Variants in SCAF1 observed in about 807,000 individuals in gnomAD.
SCAF1 encodes the protein SR-related CTD associated factor 1, also known as splicing factor, arginine/serine-rich 19.
SCAF1 carries 28 observed loss-of-function variants against 91.2 expected under a neutral mutation model. The ratio of observed to expected loss-of-function variants is 0.31; its 90% CI spans 0.23 to 0.42. SCAF1 has a LOEUF of 0.42. Among genes scored for constraint, SCAF1 ranks in the 10% least tolerant of loss-of-function variants. The probability of loss-of-function intolerance (pLI) is 1.00; values close to 1 mark genes in which losing one functional copy is unlikely to be tolerated. For missense variants in SCAF1, 1,893 were observed against 1,872.1 expected, an observed-to-expected ratio of 1.01 and a Z score of -0.21; for synonymous variants, 1,036 against 833.7, an observed-to-expected ratio of 1.24 and a Z score of -4.18.
At chr19:49,649,121 A>C (rs1276954602) in intron 6 of SCAF1, among the ~76,000 whole-genome samples, 1 of 152,174 alleles carries the variant, frequency 6.6e-6, no homozygotes, top group Non-Finnish European at 1.5e-5. Context: ...CCGGAAGCTA[A>C]TAGTAGTTGT....
At position 49,653,043 on chromosome 19, in the gene SCAF1, C is replaced by T. The variant is rs1462382296; in HGVS notation, c.2654C>T (p.Thr885Ile). The change falls in exon 7 of 11, where the codon ACT (threonine) becomes ATT (isoleucine). Residue 885 changes from threonine to isoleucine, a missense_variant. Thr to Ile is a moderately conservative substitution (Grantham distance 89). Transcript: ENST00000360565. ...CTCAAACCTGACGAGCGGGCCCCCACTGAGATGGCCAAAGCAGCTCCGGGC... is the reference window on the plus strand; with the variant it reads ...CTCAAACCTGACGAGCGGGCCCCCATTGAGATGGCCAAAGCAGCTCCGGGC... ...PFLKPDERAP[T>I]EMAKAAPGST... 3.7e-6 allele frequency: 6 copies of T among 1,614,052 alleles called. No homozygotes were observed. In the South Asian group the frequency reaches 6.6e-5, roughly 18 times the overall value.
upstream of SCAF1, among the ~76,000 whole-genome samples, chr19:49,640,582 CAGCAGGTTTTGAG>C (rs1178309215): frequency 6.6e-6 from 1 of 152,160 alleles, no homozygotes; most frequent in African/African-American, 2.4e-5. Flanking sequence ...TCCGAGGAAG[CAGCAGGTTTTGAG>C]GAGTAGCTCC....
chr19:49,653,067 G>C lies in SCAF1; in HGVS notation c.2678G>C (p.Gly893Ala), dbSNP rs774339960. ...APTEMAKAAP[G>A]STKPKKTKVK... ...ACTGAGATGGCCAAAGCAGCTCCGG[G>C]CAGCACCAAGCCCAAAAAGACCAAG... The change falls in exon 7 of 11, where the codon GGC becomes GCC. Residue 893 changes from glycine to alanine, a missense_variant. This residue lies in a region of SCAF1 where 1,436 missense variants were observed against 1,306.8 expected (regional missense o/e 1.10). Transcript: ENST00000360565. 14 of 1,613,776 alleles carry C rather than the reference G, an allele frequency of 8.7e-6. 1 individual carries two copies. In the South Asian group the frequency reaches 1.3e-4, roughly 15 times the overall value.
rs933996491 is a variant in SCAF1, at chr19:49,651,904, C to G, written c.1515C>G (p.Pro505=). 8 of 1,154,702 alleles carry G rather than the reference C, an allele frequency of 6.9e-6. No homozygotes were observed. The East Asian group carries it at 3.5e-4, about 50-fold the overall frequency. The allele number at this position is 1,154,702 out of a possible 1,614,324, so 71.5% of individuals were successfully genotyped here. The change falls in exon 7 of 11, where the codon CCC becomes CCG. Residue 505 remains proline (P), a synonymous_variant. Transcript: ENST00000360565. ...RQRSPSPAPA[P]APAAAAGPPT... ...GCTCGCCCTCCCCGGCGCCCGCGCCCGCCCCGGCCGCCGCTGCTGGTCCGC... is the reference window on the plus strand; with the variant it reads ...GCTCGCCCTCCCCGGCGCCCGCGCCGGCCCCGGCCGCCGCTGCTGGTCCGC...
chr19:49,651,758 G>A lies in SCAF1; in HGVS notation c.1369G>A (p.Gly457Ser). The change falls in exon 7 of 11, where the codon GGC becomes AGC. Residue 457 changes from glycine to serine, a missense_variant. Gly to Ser is a moderately conservative substitution (Grantham distance 56, BLOSUM62 0). Around this residue, in one of 5 missense-constraint regions of SCAF1, gnomAD observed 1,436 missense variants for 1,306.8 expected, o/e 1.10. Coordinates refer to ENST00000360565, the MANE Select transcript of SCAF1 (RefSeq NM_021228.3). ...CCTGCATGCGGAGTCGGACGGCGAGGGCGCCCTGCAGGTGGACCTAGGGGA... is the reference window on the plus strand; with the variant it reads ...CCTGCATGCGGAGTCGGACGGCGAGAGCGCCCTGCAGGTGGACCTAGGGGA... The part of the protein sequence containing the change: ...LSLHAESDGE[G>S]ALQVDLGEPA... 1 of 1,332,184 alleles carries A rather than the reference G, an allele frequency of 7.5e-7. No homozygotes were observed. Among genetic ancestry groups the A allele is most frequent in the Non-Finnish European group, 9.5e-7 (1 of 1,047,818 alleles). The allele number at this position is 1,332,184 out of a possible 1,614,324, so 82.5% of individuals were successfully genotyped here.
At position 49,651,775 on chromosome 19, in the gene SCAF1, C is replaced by T; in HGVS notation, c.1386C>T (p.Asp462=). 7.7e-7 allele frequency: 1 copy of T among 1,303,476 alleles called. No homozygotes were observed. The highest frequency in any genetic ancestry group is 2.0e-5 in the South Asian group (1 of 49,980). 80.7% of individuals were successfully genotyped at this position (1,303,476 alleles called of 1,614,324 possible). A position where few individuals can be genotyped will look rare whatever the true frequency, so the allele number is the denominator to read the frequency against. The change falls in exon 7 of 11, where the codon GAC becomes GAT. Residue 462 remains aspartate, a synonymous_variant. Coordinates refer to ENST00000360565, the MANE Select transcript of SCAF1 (RefSeq NM_021228.3). ...ESDGEGALQV[D]LGEPAPAPPA... is the part of the protein sequence containing the mutation. ...ACGGCGAGGGCGCCCTGCAGGTGGA[C>T]CTAGGGGAGCCGGCTCCCGCGCCGC...
Position 49,651,581 on chromosome 19 carries a change from C to T in SCAF1, c.1192C>T (p.Gln398Ter). The change falls in exon 7 of 11, where the codon CAG (glutamine) becomes TAG (stop). Residue 398 changes from glutamine (Q) to a stop codon, truncating the protein, a stop_gained. Transcript: ENST00000360565. LOFTEE classifies it high-confidence loss of function. ...GGAGATCGAGGAAGGGGAGATCGTCCAGCCGGAGGAGGAGCCCAGGCTGGC... is the reference window on the plus strand; with the variant it reads ...GGAGATCGAGGAAGGGGAGATCGTCTAGCCGGAGGAGGAGCCCAGGCTGGC... ...DSEIEEGEIV[Q>*]PEEEPRLALS... The T allele has an allele frequency of 6.5e-7, 1 of 1,545,224 alleles. No homozygotes were observed.
chr19:49,645,180 A>T lies in SCAF1; in HGVS notation c.108+46A>T. On this transcript the variant is annotated intron_variant, in intron 2 of 10. Transcript: ENST00000360565. This position sits in a 1 kb window ranked among gnomAD's most constrained non-coding sequence, Gnocchi z 4.6. ...GCACTGAGGGATGGAGGAGCTGGGC[A>T]TCCACACTCCAGGGGCCTGACTCCA... 1 of 1,572,908 alleles carries T rather than the reference A, an allele frequency of 6.4e-7. No homozygotes were observed. Among genetic ancestry groups the T allele is most frequent in the Non-Finnish European group, 8.7e-7 (1 of 1,144,054 alleles).
At position 49,651,886 on chromosome 19, in the gene SCAF1, CT is replaced by C; in HGVS notation, c.1498del (p.Ser500ProfsTer238). On this transcript the variant is annotated frameshift_variant, in exon 7 of 11. Coordinates refer to ENST00000360565, the MANE Select transcript of SCAF1 (RefSeq NM_021228.3). LOFTEE classifies it high-confidence loss of function. ...RRERYRQRSPSPAPAPAPAAA... is the reference protein window; with the variant it reads ...RRERYRQRSPXPAPAPAPAAA... ...GGGAGCGCTACCGCCAGCGCTCGCC[CT>C]CCCCGGCGCCCGCGCCCGCCCCGGC... is the stretch of plus-strand genomic sequence containing the variant. 1 of 1,194,510 alleles carries C rather than the reference CT, an allele frequency of 8.4e-7. No individual in the cohort carries two copies. The highest frequency in any genetic ancestry group is 1.0e-6 in the Non-Finnish European group (1 of 960,346). 74.0% of individuals were successfully genotyped at this position (1,194,510 alleles called of 1,614,324 possible). A position where few individuals can be genotyped will look rare whatever the true frequency, so the allele number is the denominator to read the frequency against.
Position 49,653,252 on chromosome 19 carries a change from G to C in SCAF1, c.2863G>C (p.Gly955Arg). 1.3e-6 allele frequency: 2 copies of C among 1,489,496 alleles called. No individual in the cohort carries two copies. Among genetic ancestry groups the C allele is most frequent in the South Asian group, 1.4e-5 (1 of 72,644 alleles). 92.3% of individuals were successfully genotyped at this position (1,489,496 alleles called of 1,614,324 possible). A position where few individuals can be genotyped will look rare whatever the true frequency, so the allele number is the denominator to read the frequency against. The change falls in exon 7 of 11, where the codon GGC becomes CGC. Residue 955 changes from glycine (G) to arginine (R), a missense_variant. Physicochemically the swap from Gly to Arg is moderately radical, Grantham distance 125. Around this residue, in one of 5 missense-constraint regions of SCAF1, gnomAD observed 1,436 missense variants for 1,306.8 expected, o/e 1.10. Transcript: ENST00000360565. ...GGCGGATAGCTGCAGCCAGGCGGCA[G>C]GCACCAAGGGGGCGGAGGAGACTTC... ...SKADSCSQAAGTKGAEETSWS... is the reference protein window; with the variant it reads ...SKADSCSQAARTKGAEETSWS...
chr19:49,652,041 A>G lies in SCAF1; in HGVS notation c.1652A>G (p.Asp551Gly). The change falls in exon 7 of 11, where the codon GAC becomes GGC. Residue 551 changes from aspartate to glycine, a missense_variant. By Grantham distance (94) the Asp-to-Gly change is moderately conservative. Around this residue, in one of 5 missense-constraint regions of SCAF1, gnomAD observed 1,436 missense variants for 1,306.8 expected, o/e 1.10. Transcript: ENST00000360565. ...PAPPAPASPW[D>G]SKKHRSRDRK... is the part of the protein sequence containing the mutation. ...CCGCCCGCCCCGGCCTCGCCCTGGG[A>G]CTCCAAGAAGCACCGCTCGCGGGAC... 1 of 1,229,492 alleles carries G rather than the reference A, an allele frequency of 8.1e-7. No individual in the cohort carries two copies. Among genetic ancestry groups the G allele is most frequent in the Non-Finnish European group, 1.0e-6 (1 of 974,776 alleles). 76.2% of individuals were successfully genotyped at this position (1,229,492 alleles called of 1,614,324 possible). A position where few individuals can be genotyped will look rare whatever the true frequency, so the allele number is the denominator to read the frequency against.
Position 49,653,136 on chromosome 19 carries a change from G to A in SCAF1, c.2747G>A (p.Gly916Glu). ...GCCAAGAAAACCAAGGGGACCAAGG[G>A]AAAGACCAAGCCATCCAAGACCAGG... ...AGAKKTKGTKGKTKPSKTRKK... is the reference protein window; with the variant it reads ...AGAKKTKGTKEKTKPSKTRKK... Residue 916 changes from glycine (G) to glutamate (E), a missense_variant, in exon 7 of 11, where the codon GGA becomes GAA. Coordinates refer to ENST00000360565, the MANE Select transcript of SCAF1 (RefSeq NM_021228.3). 1.2e-6 allele frequency: 2 copies of A among 1,610,264 alleles called. No homozygotes were observed. The highest frequency in any genetic ancestry group is 1.1e-5 in the South Asian group (1 of 90,642).
At position 49,645,108 on chromosome 19, in the gene SCAF1, A is replaced by G. The variant is rs2081047127; in HGVS notation, c.82A>G (p.Thr28Ala). 1 of 1,614,018 alleles carries G rather than the reference A, an allele frequency of 6.2e-7. No individual in the cohort carries two copies. Among genetic ancestry groups the G allele is most frequent in the Non-Finnish European group, 8.5e-7 (1 of 1,179,990 alleles). ...RGDGPPDRDP[T>A]LSPSAFILRA... is the part of the protein sequence containing the mutation. Reference sequence around the variant, plus strand: ...CGATGGTCCGCCAGACAGAGACCCCACGCTTTCTCCTTCTGCCTTTATCCT... The same window carrying G: ...CGATGGTCCGCCAGACAGAGACCCCGCGCTTTCTCCTTCTGCCTTTATCCT... The change falls in exon 2 of 11, where the codon ACG (threonine) becomes GCG (alanine). Residue 28 changes from threonine (T) to alanine (A), a missense_variant. By Grantham distance (58) the Thr-to-Ala change is moderately conservative (BLOSUM62 0). Around this residue, in one of 5 missense-constraint regions of SCAF1, gnomAD observed 270 missense variants for 292.5 expected, o/e 0.92. Transcript: ENST00000360565. This position sits in a 1 kb window ranked among gnomAD's most constrained non-coding sequence, Gnocchi z 4.6.
chr19:49,640,849 A>G (rs2081022728), upstream of SCAF1, among the ~76,000 whole-genome samples: 1 of 152,200 alleles, frequency 6.6e-6, no homozygotes, highest in African/African-American at 2.4e-5. Flanking sequence ...TGGGTCATGA[A>G]GAGCCTGGGG....
chr19:49,656,533 GTTC>G (rs1471592865), intron 9 of SCAF1, among the ~76,000 whole-genome samples: 1 of 152,216 alleles, frequency 6.6e-6, no homozygotes, highest in Non-Finnish European at 1.5e-5. Context: ...CAGAAGGCCT[GTTC>G]TTCTCTGGTC....
chr19:49,651,926 C>A lies in SCAF1; in HGVS notation c.1537C>A (p.Pro513Thr). ...PAPAPAAAAG[P>T]PTRKKSRRER... ...GCCCGCCCCGGCCGCCGCTGCTGGT[C>A]CGCCCACGCGCAAGAAGTCCAGGCG... The change falls in exon 7 of 11, where the codon CCG (proline) becomes ACG (threonine). Residue 513 changes from proline to threonine, a missense_variant. Transcript: ENST00000360565. 2 of 1,164,362 alleles carry A rather than the reference C, an allele frequency of 1.7e-6. No homozygotes were observed. The highest frequency in any genetic ancestry group is 2.1e-5 in the South Asian group (1 of 48,284). The allele number at this position is 1,164,362 out of a possible 1,614,324, so 72.1% of individuals were successfully genotyped here. A position where few individuals can be genotyped will look rare whatever the true frequency, so the allele number is the denominator to read the frequency against.
chr19:49,647,048 T>C (rs2081059932), intron 6 of SCAF1, among the ~76,000 whole-genome samples: 1 of 152,234 alleles, frequency 6.6e-6, no homozygotes, highest in Non-Finnish European at 1.5e-5. Flanking sequence ...GTGTGACAAC[T>C]GGTTTCGGCA....
Position 49,652,511 on chromosome 19 carries a change from G to A in SCAF1, c.2122G>A (p.Gly708Ser). ...LFAIKRTITV[G>S]RLDKSDPRGP... ...CGCCATCAAGCGGACCATCACGGTG[G>A]GCCGGCTTGACAAGTCCGACCCCCG... The change falls in exon 7 of 11, where the codon GGC (glycine) becomes AGC (serine). Residue 708 changes from glycine (G) to serine (S), a missense_variant. Physicochemically the swap from Gly to Ser is moderately conservative, Grantham distance 56 (BLOSUM62 0). This residue lies in a region of SCAF1 where 1,436 missense variants were observed against 1,306.8 expected (regional missense o/e 1.10). Transcript: ENST00000360565. The A allele has an allele frequency of 6.3e-7, 1 of 1,579,916 alleles. No individual in the cohort carries two copies. Among genetic ancestry groups the A allele is most frequent in the African/African-American group, 1.3e-5 (1 of 74,096 alleles).
Position 49,658,585 on chromosome 19 carries a change from C to T in SCAF1, c.*186C>T. On this transcript the variant is annotated 3_prime_UTR_variant, in exon 11 of 11. Transcript: ENST00000360565. ...TTGCCCCCAAGCCTGTCCCCAGTGC[C>T]CCTCCCTTCTGTTTGTGCCCCTCTC... 1.6e-6 allele frequency: 1 copy of T among 607,328 alleles called. No homozygotes were observed. Among genetic ancestry groups the T allele is most frequent in the Non-Finnish European group, 2.9e-6 (1 of 343,152 alleles). The allele number at this position is 607,328 out of a possible 1,614,324, so 37.6% of individuals were successfully genotyped here. A position where few individuals can be genotyped will look rare whatever the true frequency, so the allele number is the denominator to read the frequency against.
Sources: gnomAD v4.1 joint callset for allele counts (sites outside exome capture counted in the v4.1 genomes callset) on GRCh38, gnomAD v4.1.1 for gene constraint, gnomAD v4.1.1 regional missense constraint, Gnocchi (gnomAD v3.1) non-coding constraint, MANE v1.5 for transcripts, NCBI Gene and HGNC (gene_info 2026-07-23, HGNC 2026-07-21) for gene names.